The following LIN9 variants were observed in gnomAD, a reference collection of about 807,000 sequenced individuals.
LIN9 encodes lin-9 DREAM MuvB core complex component, also known as protein lin-9 homolog.
Under a neutral mutation model 78.0 loss-of-function variants are expected in LIN9, and 18 were observed. The ratio of observed to expected loss-of-function variants is 0.23; its 90% CI spans 0.16 to 0.34. The LOEUF is 0.34. Among genes scored for constraint, LIN9 ranks in the 10% least tolerant of loss-of-function variants. LIN9 has a pLI of 1.00. For synonymous variants in LIN9, 192 were observed against 215.2 expected (o/e 0.89, Z 0.94); for missense variants, 451 against 644.1 (o/e 0.70, Z 3.25).
chr1:226,236,858 G>A (rs1006559340), intron 12 of LIN9, among the ~76,000 whole-genome samples: 1 of 152,154 alleles, frequency 6.6e-6, no homozygotes, highest in Non-Finnish European at 1.5e-5. Flanking sequence ...CATTTCCATT[G>A]TGTAATTATA....
At chr1:226,252,287 A>AATAC (rs1658883363) in intron 10 of LIN9, among the ~76,000 whole-genome samples, 1 of 139,040 alleles carries the variant, frequency 7.2e-6, no homozygotes, top group Non-Finnish European at 1.5e-5. Flanking sequence ...TCTCAAAATA[A>AATAC]ATAAATAAAT....
chr1:226,238,582 T>G (rs1258069147), intron 12 of LIN9, among the ~76,000 whole-genome samples: 1 of 151,674 alleles, frequency 6.6e-6, no homozygotes, highest in Non-Finnish European at 1.5e-5. Flanking sequence ...ATTGCAAGAT[T>G]GCATCACTGT....
intron 4 of LIN9, among the ~76,000 whole-genome samples, chr1:226,292,433 C>CG (rs898154112): frequency 4.7e-4 from 72 of 151,934 alleles, no homozygotes; most frequent in African/African-American, 1.7e-3. Flanking sequence ...GTGCTACAGG[C>CG]GGGCACCACT....
chr1:226,289,051 T>C (rs552794058), intron 4 of LIN9, among the ~76,000 whole-genome samples: 1 of 152,016 alleles, frequency 6.6e-6, no homozygotes, highest in South Asian at 2.1e-4. Flanking sequence ...GCCAGGCCAA[T>C]ATAGTGAAAC....
chr1:226,305,971 T>C (rs1271497789), intron 1 of LIN9, among the ~76,000 whole-genome samples: 5 of 152,046 alleles, frequency 3.3e-5, no homozygotes, highest in African/African-American at 9.7e-5. Context: ...GTAGAATTGA[T>C]AGATATTTAG....
intron 7 of LIN9, among the ~76,000 whole-genome samples, chr1:226,272,754 T>C (rs1172732742): frequency 6.6e-6 from 1 of 152,016 alleles, no homozygotes; most frequent in African/African-American, 2.4e-5. Context: ...ATGTTCTATA[T>C]AAAGGCTAAG....
chr1:226,278,387 C>T (rs941078355), intron 6 of LIN9, among the ~76,000 whole-genome samples: 4 of 151,358 alleles, frequency 2.6e-5, no homozygotes, highest in African/African-American at 2.4e-5. Flanking sequence ...TGAGATTGCG[C>T]CACTGCACTC....
intron 7 of LIN9, among the ~76,000 whole-genome samples, chr1:226,268,980 T>C (rs542850392): frequency 5.7e-4 from 87 of 152,330 alleles, no homozygotes; most frequent in Non-Finnish European, 4.4e-5. Context: ...CCAAAACTAG[T>C]AGTCTTGGAA....
intron 1 of LIN9, among the ~76,000 whole-genome samples, chr1:226,308,383 C>G (rs1181977159): frequency 6.6e-6 from 1 of 152,104 alleles, no homozygotes; most frequent in African/African-American, 2.4e-5. Flanking sequence ...TTGGTCACAT[C>G]CATGCATAAA....
chr1:226,256,927 G>A (rs1055370844), intron 10 of LIN9, among the ~76,000 whole-genome samples: 4 of 151,554 alleles, frequency 2.6e-5, no homozygotes, highest in Admixed American at 6.6e-5. Flanking sequence ...AAAATCTGTC[G>A]CCAGTAGGAC....
At chr1:226,254,265 T>C (rs898938278) in intron 10 of LIN9, among the ~76,000 whole-genome samples, 2 of 152,216 alleles carry the variant, frequency 1.3e-5, no homozygotes, top group Non-Finnish European at 2.9e-5. Flanking sequence ...TGTGAACCAC[T>C]GTGCCTGGCG....
chr1:226,289,852 G>GGA, intron 4 of LIN9, among the ~76,000 whole-genome samples: 1 of 76,986 alleles, frequency 1.3e-5, no homozygotes, highest in South Asian at 5.6e-4. Context: ...GGGGTGGGGG[G>GGA]GGGTGGGAAA....
chr1:226,294,740 T>G (rs1407033277), intron 4 of LIN9, among the ~76,000 whole-genome samples: 1 of 152,114 alleles, frequency 6.6e-6, no homozygotes, highest in African/African-American at 2.4e-5. Flanking sequence ...AGACAAAAAT[T>G]ACATTACCCT....
At chr1:226,301,530 G>T (rs1484984128) in intron 1 of LIN9, among the ~76,000 whole-genome samples, 1 of 152,126 alleles carries the variant, frequency 6.6e-6, no homozygotes, top group African/African-American at 2.4e-5. Flanking sequence ...GGCGTGCTGT[G>T]GTGCTGGAAG....
chr1:226,260,183 G>C (rs1345949745), intron 10 of LIN9, among the ~76,000 whole-genome samples: 2 of 152,118 alleles, frequency 1.3e-5, no homozygotes, highest in African/African-American at 4.8e-5. Flanking sequence ...TAAATAAATT[G>C]AGTCAATAAT....
In LIN9 at chr1:226,265,688, TA is replaced by T. The variant is rs1659856915; in HGVS notation, c.937-55del. The T allele has an allele frequency of 3.1e-6, 3 of 964,636 alleles. No individual in the cohort carries two copies. Among genetic ancestry groups the T allele is most frequent in the African/African-American group, 1.7e-5 (1 of 59,120 alleles). 59.8% of individuals were successfully genotyped at this position (964,636 alleles called of 1,614,324 possible). ...CATTGACTATTCAGAGGAAGTATCTTATTTTTTTATTTTTATTTTTTTTTAG... is the reference window on the plus strand; with the variant it reads ...CATTGACTATTCAGAGGAAGTATCTTTTTTTTTATTTTTATTTTTTTTTAG... On this transcript the variant is annotated intron_variant, in intron 9 of 14. Coordinates refer to ENST00000681046, the MANE Select transcript of LIN9 (RefSeq NM_001366245.2). The surrounding 1 kb of genome is among the most constrained non-coding windows in gnomAD (Gnocchi z 4.1).
chr1:226,277,542 A>C (rs1248045484), intron 7 of LIN9, among the ~76,000 whole-genome samples: 4 of 152,222 alleles, frequency 2.6e-5, no homozygotes, highest in South Asian at 2.1e-4. Flanking sequence ...AATCAAAGTC[A>C]CTAAGGAAAA....
intron 10 of LIN9, among the ~76,000 whole-genome samples, chr1:226,252,310 AAATAAATAAATGAATG>A (rs1037909602): frequency 1.3e-5 from 2 of 150,462 alleles, no homozygotes; most frequent in African/African-American, 4.9e-5. Flanking sequence ...ATAAATAAAT[AAATAAATAAATGAATG>A]AATGAATGAA....
At chr1:226,269,008 C>G (rs1398945248) in intron 7 of LIN9, among the ~76,000 whole-genome samples, 2 of 152,148 alleles carry the variant, frequency 1.3e-5, no homozygotes, top group Admixed American at 6.5e-5. Flanking sequence ...CACAGATGAA[C>G]TGTGTCACTA....
Sources: gnomAD v4.1 joint callset for allele counts (sites outside exome capture counted in the v4.1 genomes callset) on GRCh38, gnomAD v4.1.1 for gene constraint, Gnocchi (gnomAD v3.1) non-coding constraint, MANE v1.5 for transcripts, NCBI Gene and HGNC (gene_info 2026-07-23, HGNC 2026-07-21) for gene names.